FOXN3: variants seen among roughly 807,000 people sequenced by gnomAD.
FOXN3 encodes the protein forkhead box protein N3.
FOXN3 carries 7 observed loss-of-function variants against 38.4 expected under a neutral mutation model. The observed-to-expected ratio is 0.18, with a 90% CI of 0.10 to 0.34. The LOEUF (loss-of-function observed/expected upper bound fraction) is 0.34. FOXN3 is among the 10% of genes least tolerant of loss of function. The pLI is 1.00. For synonymous variants in FOXN3, 230 were observed against 242.2 expected (o/e 0.95, Z 0.47); for missense variants, 456 against 613.4 (o/e 0.74, Z 2.71).
At chr14:89,600,086 C>CT (rs1295104782) in intron 1 of FOXN3, among the ~76,000 whole-genome samples, 9 of 152,178 alleles carry the variant, frequency 5.9e-5, no homozygotes, top group African/African-American at 9.7e-5. Flanking sequence ...TCCAAACTGA[C>CT]TTTTTTTCTT....
chr14:89,206,690 T>C (rs1888394734), intron 4 of FOXN3, among the ~76,000 whole-genome samples: 1 of 152,116 alleles, frequency 6.6e-6, no homozygotes, highest in Non-Finnish European at 1.5e-5. Flanking sequence ...AAATTACAGC[T>C]AGTGTTATAC....
chr14:89,226,779 T>C (rs1884654401), intron 4 of FOXN3, among the ~76,000 whole-genome samples: 1 of 152,086 alleles, frequency 6.6e-6, no homozygotes, highest in African/African-American at 2.4e-5. Flanking sequence ...GCAGTATCCT[T>C]ATGAAAAAGG....
At chr14:89,203,855 G>A (rs917921627) in intron 4 of FOXN3, among the ~76,000 whole-genome samples, 3 of 152,110 alleles carry the variant, frequency 2.0e-5, no homozygotes, top group African/African-American at 7.2e-5. Context: ...CTGGTAACGA[G>A]CCAACAGAGC....
Position 89,290,870 on chromosome 14 carries a change from T to C in FOXN3, c.681-9856A>G, listed in dbSNP as rs893960359. 6 of 286,960 alleles carry C rather than the reference T, an allele frequency of 2.1e-5. No homozygotes were observed. In the East Asian group the frequency reaches 4.8e-4, roughly 23 times the overall value. 17.8% of individuals were successfully genotyped at this position (286,960 alleles called of 1,614,324 possible). A position where few individuals can be genotyped will look rare whatever the true frequency, so the allele number is the denominator to read the frequency against. On this transcript the variant is annotated intron_variant, in intron 3 of 5. Transcript: ENST00000557258. ...AGCATGAAGGAGAGGACTTTTCTTT[T>C]GTGTCTTCATTCTCAAAAAGTGGAG...
chr14:89,423,016 C>G (rs1037003631), intron 1 of FOXN3, among the ~76,000 whole-genome samples: 2 of 152,184 alleles, frequency 1.3e-5, no homozygotes, highest in African/African-American at 4.8e-5. Context: ...TCCAGATTTA[C>G]TCAATTAATT....
intron 1 of FOXN3, among the ~76,000 whole-genome samples, chr14:89,524,382 AAAAAAAAAAAAAAAAAAAAAAG>A (rs1195450649): frequency 0.018 from 1,939 of 109,952 alleles, 87 homozygotes; most frequent in African/African-American, 0.071. Context: ...AAAAAAAAAA[AAAAAAAAAAAAAAAAAAAAAAG>A]AAAGAAAGAA....
At chr14:89,432,584 A>G (rs1476085421) in intron 1 of FOXN3, among the ~76,000 whole-genome samples, 1 of 152,106 alleles carries the variant, frequency 6.6e-6, no homozygotes, top group Admixed American at 6.6e-5. Flanking sequence ...AAGCTCACTC[A>G]TTTGCCAGAA....
At chr14:89,333,655 G>C (rs1888328136) in intron 3 of FOXN3, among the ~76,000 whole-genome samples, 1 of 150,494 alleles carries the variant, frequency 6.6e-6, no homozygotes, top group South Asian at 2.1e-4. Flanking sequence ...CCAGCTAACT[G>C]GGAGGCTGAG....
intron 3 of FOXN3, among the ~76,000 whole-genome samples, chr14:89,298,536 TAATA>T: frequency 6.7e-6 from 1 of 149,984 alleles, no homozygotes; most frequent in East Asian, 2.0e-4. Flanking sequence ...TACCACAATT[TAATA>T]AATAAATAAC....
At chr14:89,217,559 T>C (rs1378083759) in intron 4 of FOXN3, among the ~76,000 whole-genome samples, 5 of 152,264 alleles carry the variant, frequency 3.3e-5, no homozygotes, top group African/African-American at 1.2e-4. Flanking sequence ...TTTCATTCAC[T>C]TGCTGTGTGC....
intron 1 of FOXN3, among the ~76,000 whole-genome samples, chr14:89,580,468 A>G (rs1279675117): frequency 6.6e-6 from 1 of 152,214 alleles, no homozygotes; most frequent in Non-Finnish European, 1.5e-5. Flanking sequence ...TAACAGTGCC[A>G]TATATGGACT....
chr14:89,395,422 G>T (rs1891074612), intron 2 of FOXN3, among the ~76,000 whole-genome samples: 1 of 152,238 alleles, frequency 6.6e-6, no homozygotes, highest in Non-Finnish European at 1.5e-5. Flanking sequence ...CTAACACCTA[G>T]TTCAATGCTC....
intron 1 of FOXN3, among the ~76,000 whole-genome samples, chr14:89,489,608 G>A (rs1233542234): frequency 6.6e-6 from 1 of 152,146 alleles, no homozygotes; most frequent in Non-Finnish European, 1.5e-5. Flanking sequence ...TCAGTCTTCA[G>A]CAACACCGAC....
rs778143819 is a variant in FOXN3, at chr14:89,190,334, G to A, written c.746-9528C>T. ...CTATGACCTGGTGTATAAATGAGAA[G>A]GTTAAGTTCACAAACTATGGTGCTG... On this transcript the variant is annotated intron_variant, in intron 4 of 5. Coordinates refer to ENST00000557258, the MANE Select transcript of FOXN3 (RefSeq NM_005197.4). The A allele has an allele frequency of 4.3e-6, 6 of 1,404,150 alleles. No homozygotes were observed. In the African/African-American group the frequency reaches 7.1e-5, roughly 17 times the overall value. The allele number at this position is 1,404,150 out of a possible 1,614,324, so 87.0% of individuals were successfully genotyped here.
At chr14:89,476,697 G>A (rs1052355585) in intron 1 of FOXN3, among the ~76,000 whole-genome samples, 6 of 152,154 alleles carry the variant, frequency 3.9e-5, no homozygotes, top group African/African-American at 9.7e-5. Flanking sequence ...GGTTGGGTCC[G>A]CCACATTTCC....
intron 4 of FOXN3, among the ~76,000 whole-genome samples, chr14:89,247,177 C>A (rs74947231): frequency 0.031 from 4,785 of 152,226 alleles, 102 homozygotes; most frequent in African/African-American, 0.052. Context: ...TTCTCCTGTG[C>A]AAAAACAGTG....
chr14:89,600,019 C>T (rs924930553), intron 1 of FOXN3, among the ~76,000 whole-genome samples: 3 of 152,218 alleles, frequency 2.0e-5, no homozygotes, highest in African/African-American at 7.2e-5. Flanking sequence ...TTACTCACCC[C>T]ACCAACCCAG....
chr14:89,585,862 A>G (rs1895831476), intron 1 of FOXN3, among the ~76,000 whole-genome samples: 1 of 152,160 alleles, frequency 6.6e-6, no homozygotes, highest in East Asian at 1.9e-4. Context: ...GCGTTTGGCA[A>G]AAAGAAAAGG....
intron 4 of FOXN3, among the ~76,000 whole-genome samples, chr14:89,261,542 C>T (rs143981117): frequency 6.6e-6 from 1 of 152,110 alleles, no homozygotes; most frequent in Non-Finnish European, 1.5e-5. Flanking sequence ...GCCTGTAATC[C>T]CAGCACTTTG....
Sources: allele counts gnomAD v4.1 joint callset (sites outside exome capture counted in the v4.1 genomes callset), GRCh38; gene constraint gnomAD v4.1.1; transcripts MANE v1.5; gene names NCBI Gene and HGNC (gene_info 2026-07-23, HGNC 2026-07-21).